Variants in CCDC152 observed in about 807,000 individuals in gnomAD.
CCDC152 encodes the protein coiled-coil domain-containing protein 152.
Under a neutral mutation model 38.1 loss-of-function variants are expected in CCDC152, and 37 were observed. The ratio of observed to expected loss-of-function variants is 0.97; its 90% CI spans 0.75 to 1.28. CCDC152 has a LOEUF of 1.28. CCDC152 is among the 50% of genes most tolerant of loss of function. The pLI, the probability that CCDC152 is intolerant of heterozygous loss-of-function variation, is 0.00. For synonymous variants in CCDC152, 83 were observed against 87.1 expected, an observed-to-expected ratio of 0.95 and a Z score of 0.26; for missense variants, 259 against 292.1, an observed-to-expected ratio of 0.89 and a Z score of 0.83.
chr5:42,762,022 T>TA (rs1300090835), intron 2 of CCDC152, among the ~76,000 whole-genome samples: 3 of 152,216 alleles, frequency 2.0e-5, no homozygotes, highest in Non-Finnish European at 2.9e-5. Flanking sequence ...TTATAGAGTA[T>TA]ATTTACGCAA....
Position 42,762,550 on chromosome 5 carries a change from T to C in CCDC152, c.193+2T>C. ...CAAAGGAGGTCTCCATTAAAGAAGG[T>C]TAGTTATTTGCTGCCTGAGGAATGC... On this transcript the variant is annotated splice_donor_variant, in intron 3 of 8. Coordinates refer to ENST00000361970, the MANE Select transcript of CCDC152 (RefSeq NM_001134848.2). LOFTEE classifies it high-confidence loss of function. 6.8e-7 allele frequency: 1 copy of C among 1,460,550 alleles called. No individual in the cohort carries two copies. Among genetic ancestry groups the C allele is most frequent in the Non-Finnish European group, 9.4e-7 (1 of 1,066,206 alleles). The allele number at this position is 1,460,550 out of a possible 1,614,324, so 90.5% of individuals were successfully genotyped here. A position where few individuals can be genotyped will look rare whatever the true frequency, so the allele number is the denominator to read the frequency against.
chr5:42,779,227 A>G (rs1759809504), intron 4 of CCDC152, among the ~76,000 whole-genome samples: 1 of 152,178 alleles, frequency 6.6e-6, no homozygotes, highest in Admixed American at 6.5e-5. Context: ...TTATCATAGC[A>G]TATTATAACT....
chr5:42,787,033 A>T (rs1184031763), intron 6 of CCDC152, among the ~76,000 whole-genome samples: 1 of 151,962 alleles, frequency 6.6e-6, no homozygotes, highest in East Asian at 1.9e-4. Flanking sequence ...AATTTTATTT[A>T]AAAAATTATT....
chr5:42,776,361 T>C (rs1234874322), intron 4 of CCDC152, among the ~76,000 whole-genome samples: 1 of 152,142 alleles, frequency 6.6e-6, no homozygotes, highest in Non-Finnish European at 1.5e-5. Flanking sequence ...TATTACATAA[T>C]GATAAAAGGG....
At chr5:42,786,379 T>C (rs1194256390) in intron 6 of CCDC152, among the ~76,000 whole-genome samples, 5 of 152,156 alleles carry the variant, frequency 3.3e-5, no homozygotes, top group Non-Finnish European at 2.9e-5. Context: ...TCCAGGAATT[T>C]TTCCATTTGC....
At chr5:42,772,180 A>G (rs906463247) in intron 4 of CCDC152, among the ~76,000 whole-genome samples, 17 of 152,206 alleles carry the variant, frequency 1.1e-4, no homozygotes, top group African/African-American at 4.1e-4. Context: ...AAACACATGA[A>G]CACCTCAATA....
In CCDC152 at chr5:42,801,043, T is replaced by G; in HGVS notation, c.*1262T>G. 6.2e-7 allele frequency: 1 copy of G among 1,614,230 alleles called. No individual in the cohort carries two copies. Among genetic ancestry groups the G allele is most frequent in the Non-Finnish European group, 8.5e-7 (1 of 1,180,040 alleles). On this transcript the variant is annotated 3_prime_UTR_variant, in exon 9 of 9. Transcript: ENST00000361970. ...TTTATACATCTCTTTCGACAGAGCTTCTTTTGTAAATCTTGTAAATCTTCA... is the reference window on the plus strand; with the variant it reads ...TTTATACATCTCTTTCGACAGAGCTGCTTTTGTAAATCTTGTAAATCTTCA...
intron 3 of CCDC152, among the ~76,000 whole-genome samples, chr5:42,763,219 A>T (rs574527399): frequency 1.3e-5 from 2 of 152,374 alleles, no homozygotes; most frequent in African/African-American, 4.8e-5. Flanking sequence ...GTATGTTGAA[A>T]GTGAGACAAA....
At chr5:42,798,810 T>C (rs1417111331) in intron 7 of CCDC152, among the ~76,000 whole-genome samples, 1 of 152,144 alleles carries the variant, frequency 6.6e-6, no homozygotes, top group Non-Finnish European at 1.5e-5. Flanking sequence ...CTGTTAAGAA[T>C]GGCCTATGAG....
intron 6 of CCDC152, among the ~76,000 whole-genome samples, chr5:42,787,476 T>C (rs1759938210): frequency 6.6e-6 from 1 of 152,116 alleles, no homozygotes; most frequent in South Asian, 2.1e-4. Flanking sequence ...GAATTCTTTA[T>C]CTGTCAATGG....
rs6413428 is a variant in CCDC152, at chr5:42,800,622, A to G, written c.*841A>G. On this transcript the variant is annotated 3_prime_UTR_variant, in exon 9 of 9. Transcript: ENST00000361970. ...GATTTCTCCATGTTTGCACAAATCT[A>G]ATTTCTATTTTTGGTTCACTAATTT... The G allele has an allele frequency of 0.24, 324,606 of 1,378,504 alleles. 41,137 individuals are homozygous for G. Among genetic ancestry groups the G allele is most frequent in the African/African-American group, 0.35 (24,043 of 69,316 alleles). 85.4% of individuals were successfully genotyped at this position (1,378,504 alleles called of 1,614,324 possible).
intron 4 of CCDC152, among the ~76,000 whole-genome samples, chr5:42,777,915 A>G (rs1388372175): frequency 6.6e-6 from 1 of 152,190 alleles, no homozygotes; most frequent in Admixed American, 6.5e-5. Context: ...ACTGTGGTTT[A>G]ATACCTCTGC....
In CCDC152 at chr5:42,761,126, A is replaced by C. The variant is rs116376140; in HGVS notation, c.88-1317A>C. Among the ~76,000 whole-genome samples, 1,386 of 152,288 alleles carry C rather than the reference A, an allele frequency of 9.1e-3. 21 individuals are homozygous for C. Among genetic ancestry groups the C allele is most frequent in the African/African-American group, 0.032 (1,325 of 41,542 alleles). ...TACAGATGATATAAGACTGTTCATGAGTTGATTTTTGAAGCTATTTGAAGA... is the reference window on the plus strand; with the variant it reads ...TACAGATGATATAAGACTGTTCATGCGTTGATTTTTGAAGCTATTTGAAGA... On this transcript the variant is annotated intron_variant, in intron 2 of 8. Coordinates refer to ENST00000361970, the MANE Select transcript of CCDC152 (RefSeq NM_001134848.2).
In CCDC152 at chr5:42,800,971, TC is replaced by T; in HGVS notation, c.*1192del. The T allele has an allele frequency of 1.2e-6, 2 of 1,614,220 alleles. No individual in the cohort carries two copies. Among genetic ancestry groups the T allele is most frequent in the Non-Finnish European group, 1.7e-6 (2 of 1,180,036 alleles). On this transcript the variant is annotated 3_prime_UTR_variant, in exon 9 of 9. Transcript: ENST00000361970. ...AGATGTCGACAATGGCAGCATCAGCTCCTAGGAGCCAACTCTGAATCTGTGG... is the reference window on the plus strand; with the variant it reads ...AGATGTCGACAATGGCAGCATCAGCTCTAGGAGCCAACTCTGAATCTGTGG...
At chr5:42,779,931 A>G (rs1437429735) in intron 5 of CCDC152, among the ~76,000 whole-genome samples, 3 of 152,132 alleles carry the variant, frequency 2.0e-5, no homozygotes, top group Admixed American at 6.6e-5. Context: ...TCATTACACC[A>G]TTCCAATACA....
At chr5:42,795,360 A>G (rs1760060614) in intron 6 of CCDC152, among the ~76,000 whole-genome samples, 1 of 152,240 alleles carries the variant, frequency 6.6e-6, no homozygotes, top group Non-Finnish European at 1.5e-5. Context: ...TAAAACAACA[A>G]TTCTAAATGT....
At chr5:42,759,511 A>G (rs1056602697) in intron 2 of CCDC152, among the ~76,000 whole-genome samples, 2 of 152,216 alleles carry the variant, frequency 1.3e-5, no homozygotes, top group African/African-American at 2.4e-5. Context: ...GCTTTTTACA[A>G]TTTCAGCCAC....
At chr5:42,793,833 T>C (rs1349627261) in intron 6 of CCDC152, among the ~76,000 whole-genome samples, 1 of 152,184 alleles carries the variant, frequency 6.6e-6, no homozygotes, top group Non-Finnish European at 1.5e-5. Flanking sequence ...GGTCTTGAAC[T>C]CCTGACCTCA....
intron 4 of CCDC152, among the ~76,000 whole-genome samples, chr5:42,773,274 G>A (rs150703409): frequency 6.6e-6 from 1 of 151,958 alleles, no homozygotes; most frequent in African/African-American, 2.4e-5. Context: ...TTTTCAGTAG[G>A]GACTTATGGA....
Sources: allele counts gnomAD v4.1 joint callset (sites outside exome capture counted in the v4.1 genomes callset), GRCh38; gene constraint gnomAD v4.1.1; transcripts MANE v1.5; gene names NCBI Gene and HGNC (gene_info 2026-07-23, HGNC 2026-07-21).